Variants in CLEC16A observed in about 807,000 individuals in gnomAD.
The protein encoded by CLEC16A is protein CLEC16A.
A neutral mutation model predicts 109.5 loss-of-function variants in CLEC16A; 51 were observed. The observed-to-expected ratio is 0.47, with a 90% CI of 0.37 to 0.59. The LOEUF (loss-of-function observed/expected upper bound fraction) is 0.59, where lower values mean the gene tolerates loss of function less well. CLEC16A is among the 20% of genes least tolerant of loss of function. The pLI, the probability that CLEC16A is intolerant of heterozygous loss-of-function variation, is 0.00. For missense variants in CLEC16A, 1,339 were observed against 1,394.0 expected (o/e 0.96, Z 0.63); for synonymous variants, 673 against 564.2 (o/e 1.19, Z -2.73).
chr16:11,090,654 T>C (rs892826064), intron 19 of CLEC16A, among the ~76,000 whole-genome samples: 6 of 152,054 alleles, frequency 3.9e-5, no homozygotes, highest in African/African-American at 1.4e-4. Context: ...TTTTATTTAG[T>C]TAGTTTTTGA....
chr16:11,105,552 A>G (rs1029396973), intron 19 of CLEC16A, among the ~76,000 whole-genome samples: 1 of 152,268 alleles, frequency 6.6e-6, no homozygotes, highest in East Asian at 1.9e-4. Context: ...TGTGAAAACC[A>G]GTCACCTCAT....
At chr16:11,143,833 T>A (rs1368128402) in intron 22 of CLEC16A, among the ~76,000 whole-genome samples, 1 of 152,174 alleles carries the variant, frequency 6.6e-6, no homozygotes, top group Non-Finnish European at 1.5e-5. Flanking sequence ...AGGCTCAGGG[T>A]GGTTAAGTAA....
chr16:10,952,178 G>A (rs1310872919), intron 1 of CLEC16A, among the ~76,000 whole-genome samples: 1 of 152,186 alleles, frequency 6.6e-6, no homozygotes, highest in Non-Finnish European at 1.5e-5. Flanking sequence ...TAAAGTGAAT[G>A]TTACATTTAT....
At chr16:11,017,687 G>C (rs1297648935) in intron 11 of CLEC16A, among the ~76,000 whole-genome samples, 2 of 152,172 alleles carry the variant, frequency 1.3e-5, no homozygotes, top group Non-Finnish European at 2.9e-5. Context: ...TGCCCTGATA[G>C]GATGTGATGA....
At chr16:11,088,671 G>C (rs1315625368) in intron 19 of CLEC16A, among the ~76,000 whole-genome samples, 1 of 152,156 alleles carries the variant, frequency 6.6e-6, no homozygotes, top group Non-Finnish European at 1.5e-5. Flanking sequence ...GCTAGAGGCA[G>C]TGCTTGGCAC....
intron 10 of CLEC16A, 73 bp from the exon 11 acceptor site, chr16:11,003,001 T>G (rs1345959652): frequency 5.6e-6 from 7 of 1,257,660 alleles, no homozygotes; most frequent in Admixed American, 2.7e-5. Context: ...ACAGAAACTT[T>G]TGGGCAACTT....
intron 19 of CLEC16A, among the ~76,000 whole-genome samples, chr16:11,085,074 A>C (rs1210234228): frequency 1.3e-5 from 2 of 152,228 alleles, no homozygotes; most frequent in African/African-American, 4.8e-5. Context: ...AGCCAGCACC[A>C]GAAGCCCCTC....
intron 18 of CLEC16A, among the ~76,000 whole-genome samples, chr16:11,055,140 T>C (rs894617802): frequency 4.6e-5 from 7 of 152,174 alleles, no homozygotes; most frequent in African/African-American, 1.7e-4. Context: ...GGTGAAGAAA[T>C]GAGTGAGCAC....
At chr16:11,002,426 G>C (rs1319325239) in intron 10 of CLEC16A, among the ~76,000 whole-genome samples, 1 of 152,170 alleles carries the variant, frequency 6.6e-6, no homozygotes, top group African/African-American at 2.4e-5. Context: ...ATTTGATGAT[G>C]ATGTTAATAA....
chr16:11,131,742 C>T (rs1311856331), intron 22 of CLEC16A, among the ~76,000 whole-genome samples: 2 of 152,202 alleles, frequency 1.3e-5, no homozygotes, highest in African/African-American at 4.8e-5. Context: ...ACCAGCCCCT[C>T]CTGTCACCAG....
At chr16:10,958,039 C>T in intron 2 of CLEC16A, 129 bp downstream of exon 2, 2 of 752,726 alleles carry the variant, frequency 2.7e-6, no homozygotes, top group South Asian at 2.9e-5. Flanking sequence ...ATATCTATCT[C>T]TGTCTAGCTG....
chr16:11,036,522 G>T (rs7197754), intron 13 of CLEC16A, among the ~76,000 whole-genome samples: 73,687 of 148,230 alleles, frequency 0.5, 19,433 homozygotes, highest in African/African-American at 0.7. Flanking sequence ...TTTTATCCTT[G>T]TGTTCTTTTG....
chr16:10,980,301 G>C (rs555719172), intron 9 of CLEC16A, among the ~76,000 whole-genome samples: 1 of 152,240 alleles, frequency 6.6e-6, no homozygotes, highest in South Asian at 2.1e-4. Context: ...GGGGCTATTT[G>C]CTCAGAGCTC....
chr16:11,123,319 A>G (rs939467223), intron 20 of CLEC16A, among the ~76,000 whole-genome samples: 5 of 152,258 alleles, frequency 3.3e-5, no homozygotes, highest in Non-Finnish European at 5.9e-5. Context: ...ATTGATGAGT[A>G]GATGAGCAAC....
chr16:11,148,502 A>G (rs896183594), intron 22 of CLEC16A, among the ~76,000 whole-genome samples: 9 of 152,168 alleles, frequency 5.9e-5, no homozygotes, highest in Non-Finnish European at 1.0e-4. Flanking sequence ...TAATCCTCAC[A>G]ATGATGTATG....
At chr16:11,009,117 C>G (rs926429381) in intron 11 of CLEC16A, among the ~76,000 whole-genome samples, 1 of 152,218 alleles carries the variant, frequency 6.6e-6, no homozygotes, top group South Asian at 2.1e-4. Flanking sequence ...CTCCCCACCC[C>G]ACCCTTTGAT....
At chr16:11,042,180 T>C in intron 14 of CLEC16A, 74 bp from the exon 15 acceptor site, 3 of 1,108,758 alleles carry the variant, frequency 2.7e-6, no homozygotes, top group Admixed American at 4.1e-5. Flanking sequence ...AGCCTCAACG[T>C]GGATAGGCAG....
chr16:11,156,666 T>C (rs1396074064), intron 22 of CLEC16A: 9 of 1,304,232 alleles, frequency 6.9e-6, no homozygotes, highest in South Asian at 4.9e-5. Flanking sequence ...AGGTCTTTGC[T>C]TGCTAATTTA....
At chr16:11,059,471 T>C (rs766323035) in intron 18 of CLEC16A, among the ~76,000 whole-genome samples, 4 of 152,214 alleles carry the variant, frequency 2.6e-5, no homozygotes, top group Non-Finnish European at 5.9e-5. Context: ...GGTCTCCCAC[T>C]GGTTAGGGCG....
Sources: allele counts gnomAD v4.1 joint callset (sites outside exome capture counted in the v4.1 genomes callset), GRCh38; gene constraint gnomAD v4.1.1; transcripts MANE v1.5; gene names NCBI Gene and HGNC (gene_info 2026-07-23, HGNC 2026-07-21).